The following PCDHA2 variants were observed in gnomAD, a reference collection of about 807,000 sequenced individuals.
The protein encoded by PCDHA2 is protocadherin alpha-2.
In PCDHA2, 58 loss-of-function variants were observed where a neutral mutation model predicts 66.0. The ratio of observed to expected loss-of-function variants is 0.88; its 90% CI spans 0.71 to 1.09. PCDHA2 has a LOEUF of 1.09. PCDHA2 is among the 50% of genes least tolerant of loss of function. PCDHA2 has a pLI of 0.00. For missense variants in PCDHA2, 1,267 were observed against 1,242.3 expected, an observed-to-expected ratio of 1.02 and a Z score of -0.30; for synonymous variants, 634 against 554.0, an observed-to-expected ratio of 1.14 and a Z score of -2.03.
In PCDHA2 at chr5:140,801,811, C is replaced by T. The variant is rs927009690; in HGVS notation, c.2388+4459C>T. On this transcript the variant is annotated intron_variant, in intron 1 of 3. Transcript: ENST00000526136. ...AAAAAAAATTTAAATCGAGAGGACACTCCTAAGCATTATTTACTAATAACA... is the reference window on the plus strand; with the variant it reads ...AAAAAAAATTTAAATCGAGAGGACATTCCTAAGCATTATTTACTAATAACA... 2.9e-5 allele frequency: 47 copies of T among 1,614,004 alleles called. No individual in the cohort carries two copies. The highest frequency in any genetic ancestry group is 3.7e-5 in the Non-Finnish European group (44 of 1,180,048).
chr5:140,992,382 G>A (rs1275662967), intron 3 of PCDHA2, among the ~76,000 whole-genome samples: 3 of 152,140 alleles, frequency 2.0e-5, no homozygotes, highest in Non-Finnish European at 4.4e-5. Flanking sequence ...ACATTATTGT[G>A]TTCTGGACTT....
chr5:140,853,887 A>T lies in PCDHA2; in HGVS notation c.2388+56535A>T, dbSNP rs945674058. ...TGACAGTGCAAGTTTCTGTAATTTAAAAAGATGTGGTGGCCTGACACCTGC... is the reference window on the plus strand; with the variant it reads ...TGACAGTGCAAGTTTCTGTAATTTATAAAGATGTGGTGGCCTGACACCTGC... On this transcript the variant is annotated intron_variant, in intron 1 of 3. Transcript: ENST00000526136. 4 of 979,374 alleles carry T rather than the reference A, an allele frequency of 4.1e-6. 1 individual carries two copies. The Admixed American group carries it at 1.9e-4, about 46-fold the overall frequency. 60.7% of individuals were successfully genotyped at this position (979,374 alleles called of 1,614,324 possible).
At chr5:140,824,898 T>A (rs1443268560) in intron 1 of PCDHA2, 1 of 152,162 alleles carries the variant, frequency 6.6e-6, no homozygotes, top group Non-Finnish European at 1.5e-5. Context: ...CAACTTTGCC[T>A]AAGCAGTTCA....
intron 1 of PCDHA2, chr5:140,851,223 A>C: frequency 8.7e-7 from 1 of 1,147,456 alleles, no homozygotes; most frequent in Admixed American, 4.0e-5. Flanking sequence ...TAACATCACT[A>C]TCATTTATTT....
At chr5:140,875,247 A>T in intron 1 of PCDHA2, 1 of 962,254 alleles carries the variant, frequency 1.0e-6, no homozygotes, top group Non-Finnish European at 1.5e-6. Flanking sequence ...TTACATAATC[A>T]GTCACATGAT....
At chr5:140,888,686 T>C (rs1326536229) in intron 1 of PCDHA2, among the ~76,000 whole-genome samples, 1 of 152,214 alleles carries the variant, frequency 6.6e-6, no homozygotes, top group Non-Finnish European at 1.5e-5. Context: ...AAGAGGTCTC[T>C]CTTCTCTGAT....
chr5:140,882,779 C>G (rs1554175579), intron 1 of PCDHA2: 2 of 1,614,168 alleles, frequency 1.2e-6, no homozygotes, highest in Non-Finnish European at 8.5e-7. Context: ...ATTGACCTAC[C>G]GACTGGATCC....
Position 140,795,498 on chromosome 5 carries a change from C to A in PCDHA2, c.534C>A (p.Phe178Leu). ...ACAAGCTCAGCTCCAGTGAGTTTTTCTTCCTAGATATACAGGCAAATGATG... is the reference window on the plus strand; with the variant it reads ...ACAAGCTCAGCTCCAGTGAGTTTTTATTCCTAGATATACAGGCAAATGATG... ...LSYKLSSSEF[F>L]FLDIQANDEL... is the part of the protein sequence containing the mutation. Residue 178 changes from phenylalanine to leucine, a missense_variant, in exon 1 of 4, where the codon TTC becomes TTA. Transcript: ENST00000526136. 6.2e-7 allele frequency: 1 copy of A among 1,614,166 alleles called. No individual in the cohort carries two copies. Among genetic ancestry groups the A allele is most frequent in the Non-Finnish European group, 8.5e-7 (1 of 1,180,038 alleles).
rs2150392159 is a variant in PCDHA2, at chr5:140,846,538, C to T, written c.2388+49186C>T. ...TACAGGTGCATGCCACCATGCCCTG[C>T]TAATTTTTTGTATTTTTAGTAGAGT... On this transcript the variant is annotated intron_variant, in intron 1 of 3. Transcript: ENST00000526136. Among the ~76,000 whole-genome samples the T allele has an allele frequency of 2.0e-4, 30 of 148,498 alleles. 2 individuals are homozygous for T. The highest frequency in any genetic ancestry group is 4.1e-4 in the Admixed American group (6 of 14,814).
At chr5:140,892,504 G>A (rs2063551551) in intron 1 of PCDHA2, among the ~76,000 whole-genome samples, 1 of 152,176 alleles carries the variant, frequency 6.6e-6, no homozygotes, top group Non-Finnish European at 1.5e-5. Context: ...TGTTTAAGAA[G>A]TTCCACCATG....
intron 1 of PCDHA2, among the ~76,000 whole-genome samples, chr5:140,956,002 C>T (rs2095246908): frequency 6.6e-6 from 1 of 152,124 alleles, no homozygotes; most frequent in Admixed American, 6.5e-5. Context: ...GATTTTGTAT[C>T]CTGAGACTTT....
In PCDHA2 at chr5:140,870,728, C is replaced by G. The variant is rs531202250; in HGVS notation, c.2388+73376C>G. On this transcript the variant is annotated intron_variant, in intron 1 of 3. Transcript: ENST00000526136. Reference sequence around the variant, plus strand: ...GTGAGCGCGCGCGATGCGGGCGTGCCGCCTCTGAGCAGCAACGTGACGCTG... The same window carrying G: ...GTGAGCGCGCGCGATGCGGGCGTGCGGCCTCTGAGCAGCAACGTGACGCTG... The G allele has an allele frequency of 5.0e-6, 8 of 1,613,220 alleles. No individual in the cohort carries two copies. The East Asian group carries it at 6.7e-5, about 13-fold the overall frequency.
intron 1 of PCDHA2, among the ~76,000 whole-genome samples, chr5:140,885,555 C>T (rs1225816980): frequency 3.3e-5 from 5 of 151,940 alleles, no homozygotes; most frequent in South Asian, 2.1e-4. Flanking sequence ...GTTATTTCTA[C>T]GAAATTGATT....
rs2150334321 is a variant in PCDHA2, at chr5:140,842,332, A to G, written c.2388+44980A>G. ...CCATGGCGGGTCATTGCACCGTTTT[A>G]GTGAGAATTTTGGATAAAAATGATA... On this transcript the variant is annotated intron_variant, in intron 1 of 3. Transcript: ENST00000526136. 1.7e-5 allele frequency: 28 copies of G among 1,607,160 alleles called. No homozygotes were observed. In the East Asian group the frequency reaches 4.0e-4, roughly 23 times the overall value.
intron 1 of PCDHA2, chr5:140,869,637 T>A: frequency 6.2e-7 from 1 of 1,613,610 alleles, no homozygotes; most frequent in Non-Finnish European, 8.5e-7. Flanking sequence ...ATGAGTATTT[T>A]TCTTTAGATT....
intron 1 of PCDHA2, chr5:140,848,054 T>TA (rs1554141984): frequency 1.2e-5 from 2 of 162,052 alleles, no homozygotes; most frequent in African/African-American, 4.9e-5. Context: ...TTTTAATTGT[T>TA]ACTTCATTTC....
At chr5:140,830,288 A>G in intron 1 of PCDHA2, 1 of 1,613,696 alleles carries the variant, frequency 6.2e-7, no homozygotes, top group East Asian at 2.2e-5. Flanking sequence ...GGGCGCGTGC[A>G]CGGCGGACAA....
Position 140,851,554 on chromosome 5 carries a change from A to G in PCDHA2, c.2388+54202A>G. On this transcript the variant is annotated intron_variant, in intron 1 of 3. Transcript: ENST00000526136. Reference sequence around the variant, plus strand: ...AATGTAGATAATTCAAGAAATGTTGACTGAAATTTTGTCTACACTTAGAAC... The same window carrying G: ...AATGTAGATAATTCAAGAAATGTTGGCTGAAATTTTGTCTACACTTAGAAC... 9.9e-6 allele frequency: 9 copies of G among 909,036 alleles called. 1 individual carries two copies. The highest frequency in any genetic ancestry group is 1.1e-5 in the Non-Finnish European group (8 of 746,402). The allele number at this position is 909,036 out of a possible 1,614,324, so 56.3% of individuals were successfully genotyped here.
chr5:140,834,333 T>G (rs2150215417), intron 1 of PCDHA2: 2 of 1,490,244 alleles, frequency 1.3e-6, no homozygotes, highest in Non-Finnish European at 9.1e-7. Context: ...AACATTCCTA[T>G]AAATTCGAAG....
Sources: gnomAD v4.1 joint callset for allele counts (sites outside exome capture counted in the v4.1 genomes callset) on GRCh38, gnomAD v4.1.1 for gene constraint, MANE v1.5 for transcripts, NCBI Gene and HGNC (gene_info 2026-07-23, HGNC 2026-07-21) for gene names.